ANKS1B: variants seen among roughly 807,000 people sequenced by gnomAD.
ANKS1B encodes ankyrin repeat and sterile alpha motif domain containing 1B.
ANKS1B carries 36 observed loss-of-function variants against 148.3 expected under a neutral mutation model. That is an observed-to-expected ratio of 0.24 (90% confidence interval 0.19 to 0.32). The LOEUF (loss-of-function observed/expected upper bound fraction) is 0.32, where lower values mean the gene tolerates loss of function less well. ANKS1B is among the 10% of genes least tolerant of loss of function. The probability of loss-of-function intolerance (pLI) is 1.00; values close to 1 mark genes in which losing one functional copy is unlikely to be tolerated. For missense variants in ANKS1B, 1,157 were observed against 1,542.6 expected, an observed-to-expected ratio of 0.75 and a Z score of 4.19; for synonymous variants, 542 against 560.8, an observed-to-expected ratio of 0.97 and a Z score of 0.47.
chr12:99,686,104 A>G lies in ANKS1B; in HGVS notation c.1129-30894T>C, dbSNP rs552316497. On this transcript the variant is annotated intron_variant, in intron 8 of 26. Transcript: ENST00000683438. ...AACTTATCCATGTAAGCAAACACCT[A>G]TTTCCCAAAAAGCTATTGAAATAAT... Among the ~76,000 whole-genome samples, 4 of 152,226 alleles carry G rather than the reference A, an allele frequency of 2.6e-5. No individual in the cohort carries two copies. In the South Asian group the frequency reaches 8.3e-4, roughly 32 times the overall value.
chr12:99,916,377 G>T (rs913571871), intron 1 of ANKS1B, among the ~76,000 whole-genome samples: 1 of 152,146 alleles, frequency 6.6e-6, no homozygotes, highest in Non-Finnish European at 1.5e-5. Flanking sequence ...ATCCAAAATA[G>T]CTTTGTGGTC....
intron 14 of ANKS1B, among the ~76,000 whole-genome samples, chr12:99,183,632 A>G (rs1236751718): frequency 1.3e-5 from 2 of 152,164 alleles, no homozygotes; most frequent in Admixed American, 1.3e-4. Flanking sequence ...AACAAGAGCA[A>G]AACTCCATCT....
At chr12:99,018,708 C>T (rs2099943982) in intron 17 of ANKS1B, among the ~76,000 whole-genome samples, 5 of 152,084 alleles carry the variant, frequency 3.3e-5, no homozygotes, top group African/African-American at 9.7e-5. Flanking sequence ...CTTTGGGAGG[C>T]CAAGACAGGC....
intron 17 of ANKS1B, among the ~76,000 whole-genome samples, chr12:98,868,252 C>T (rs2099635610): frequency 6.6e-6 from 1 of 151,948 alleles, no homozygotes; most frequent in Admixed American, 6.6e-5. Flanking sequence ...AGGAGAGGTG[C>T]CAAGTGTGGG....
chr12:99,273,679 G>GA (rs1173136859), intron 12 of ANKS1B, among the ~76,000 whole-genome samples: 1 of 143,368 alleles, frequency 7.0e-6, no homozygotes, highest in Non-Finnish European at 1.5e-5. Flanking sequence ...CCAGGTTTAA[G>GA]CAATTCTCTG....
chr12:99,467,615 A>C (rs2096148198), intron 10 of ANKS1B, among the ~76,000 whole-genome samples: 1 of 152,212 alleles, frequency 6.6e-6, no homozygotes, highest in Non-Finnish European at 1.5e-5. Flanking sequence ...ATCAATGTAC[A>C]AAAATCACAA....
At chr12:99,420,675 A>G (rs978900848) in intron 11 of ANKS1B, among the ~76,000 whole-genome samples, 1 of 152,288 alleles carries the variant, frequency 6.6e-6, no homozygotes, top group East Asian at 1.9e-4. Context: ...GGTTGATATG[A>G]AGGGGTATAA....
chr12:98,938,531 A>G (rs1448132129), intron 17 of ANKS1B, among the ~76,000 whole-genome samples: 1 of 152,212 alleles, frequency 6.6e-6, no homozygotes, highest in Non-Finnish European at 1.5e-5. Context: ...TGTCATGGAT[A>G]GGAAAAGAAA....
chr12:98,891,044 G>C (rs1289179505), intron 17 of ANKS1B, among the ~76,000 whole-genome samples: 2 of 152,184 alleles, frequency 1.3e-5, no homozygotes, highest in Non-Finnish European at 2.9e-5. Context: ...GAGGTTAGTA[G>C]TTTCAGTTTA....
chr12:99,076,430 C>T (rs909913682), intron 16 of ANKS1B, among the ~76,000 whole-genome samples: 2 of 152,060 alleles, frequency 1.3e-5, no homozygotes, highest in Non-Finnish European at 2.9e-5. Context: ...GAGAGTATTG[C>T]GGCACAGAAA....
chr12:99,456,501 G>C (rs1399530284), intron 10 of ANKS1B, among the ~76,000 whole-genome samples: 1 of 152,070 alleles, frequency 6.6e-6, no homozygotes, highest in Non-Finnish European at 1.5e-5. Flanking sequence ...AAGGTTAAGT[G>C]CAACTTAAAG....
At chr12:98,914,439 G>A (rs1470907605) in intron 17 of ANKS1B, among the ~76,000 whole-genome samples, 1 of 152,086 alleles carries the variant, frequency 6.6e-6, no homozygotes, top group Non-Finnish European at 1.5e-5. Flanking sequence ...CCATATACAA[G>A]TCCTCAGCAG....
At chr12:98,944,875 G>A (rs1414123397) in intron 17 of ANKS1B, among the ~76,000 whole-genome samples, 2 of 152,188 alleles carry the variant, frequency 1.3e-5, no homozygotes, top group African/African-American at 2.4e-5. Flanking sequence ...ATGAATAGAT[G>A]GGATCCTGTT....
chr12:99,429,370 C>T (rs2095324352), intron 11 of ANKS1B, among the ~76,000 whole-genome samples: 1 of 152,182 alleles, frequency 6.6e-6, no homozygotes, highest in Admixed American at 6.5e-5. Context: ...AAGGAAATAT[C>T]AGACAATCCA....
chr12:99,907,219 A>G (rs1356883433), intron 1 of ANKS1B, among the ~76,000 whole-genome samples: 3 of 152,174 alleles, frequency 2.0e-5, no homozygotes, highest in Non-Finnish European at 2.9e-5. Flanking sequence ...ATAGTTTTTT[A>G]AGCACCATCA....
intron 1 of ANKS1B, among the ~76,000 whole-genome samples, chr12:99,975,125 C>G (rs2095610065): frequency 6.8e-6 from 1 of 147,500 alleles, no homozygotes; most frequent in Non-Finnish European, 1.5e-5. Context: ...AGCACCCCGG[C>G]CTGGGTGACA....
At chr12:99,868,185 T>C (rs918455065) in intron 1 of ANKS1B, among the ~76,000 whole-genome samples, 1 of 152,152 alleles carries the variant, frequency 6.6e-6, no homozygotes, top group Non-Finnish European at 1.5e-5. Flanking sequence ...AAAGTCAGGA[T>C]AGTGGTTGTC....
At chr12:99,280,705 G>T (rs186569970) in intron 12 of ANKS1B, among the ~76,000 whole-genome samples, 15 of 152,146 alleles carry the variant, frequency 9.9e-5, no homozygotes, top group African/African-American at 3.1e-4. Context: ...GACTGCCTTT[G>T]GGCTAAGATG....
chr12:99,003,779 C>T (rs1318127055), intron 17 of ANKS1B, among the ~76,000 whole-genome samples: 1 of 152,168 alleles, frequency 6.6e-6, no homozygotes, highest in Admixed American at 6.5e-5. Context: ...CCTGCTGCGA[C>T]CACTGACTAC....
Sources: allele counts gnomAD v4.1 joint callset (sites outside exome capture counted in the v4.1 genomes callset), GRCh38; gene constraint gnomAD v4.1.1; transcripts MANE v1.5; gene names NCBI Gene and HGNC (gene_info 2026-07-23, HGNC 2026-07-21).